Variants in DHX15 observed in about 807,000 individuals in gnomAD.
The protein encoded by DHX15 is DEAH-box helicase 15.
DHX15 carries 11 observed loss-of-function variants against 94.4 expected under a neutral mutation model. That is an observed-to-expected ratio of 0.12 (90% confidence interval 0.07 to 0.19). The LOEUF (loss-of-function observed/expected upper bound fraction) is 0.19, where lower values mean the gene tolerates loss of function less well. Among genes scored for constraint, DHX15 ranks in the 10% least tolerant of loss-of-function variants. DHX15 has a pLI of 1.00. For missense variants in DHX15, 304 were observed against 988.5 expected (o/e 0.31, Z 9.29); for synonymous variants, 338 against 329.9 (o/e 1.02, Z -0.27).
intron 5 of DHX15, 88 bp downstream of exon 5, chr4:24,554,635 AAT>A: frequency 1.0e-6 from 1 of 994,498 alleles, no homozygotes; most frequent in Non-Finnish European, 1.5e-6. Context: ...TGAAATAAAA[AAT>A]ATGATTAACA....
intron 13 of DHX15, 68 bp downstream of exon 13, chr4:24,529,533 A>T: frequency 7.3e-7 from 1 of 1,372,750 alleles, no homozygotes; most frequent in Non-Finnish European, 1.0e-6. Flanking sequence ...CCATGACTCT[A>T]GCAACAGTCA....
chr4:24,579,539 T>C (rs900118115), intron 1 of DHX15, among the ~76,000 whole-genome samples: 2 of 152,034 alleles, frequency 1.3e-5, no homozygotes, highest in Non-Finnish European at 2.9e-5. Flanking sequence ...GGGAGGGAGG[T>C]ATGACATGAC....
At chr4:24,561,139 C>T (rs1011925578) in intron 3 of DHX15, among the ~76,000 whole-genome samples, 2 of 152,114 alleles carry the variant, frequency 1.3e-5, no homozygotes, top group Admixed American at 6.6e-5. Context: ...TAAGAGGATA[C>T]GGAGGACAGC....
chr4:24,569,062 CAA>C (rs762140061), intron 3 of DHX15, among the ~76,000 whole-genome samples: 12 of 152,074 alleles, frequency 7.9e-5, no homozygotes, highest in Non-Finnish European at 1.6e-4. Flanking sequence ...AAAACTGACA[CAA>C]ATGTTGAATG....
In DHX15 at chr4:24,570,040, C is replaced by A. The variant is rs546562579; in HGVS notation, c.701+614G>T. On this transcript the variant is annotated intron_variant, in intron 3 of 13. Coordinates refer to ENST00000336812, the MANE Select transcript of DHX15 (RefSeq NM_001358.3). ...GAAAGAATCATCATCAGGTAGCATA[C>A]ATCATAACTTATGCAGAATGCAAGT... 9.2e-5 allele frequency among the ~76,000 whole-genome samples: 14 copies of A among 152,314 alleles called. No homozygotes were observed. In the South Asian group the frequency reaches 2.9e-3, roughly 32 times the overall value.
chr4:24,560,441 G>T (rs1721848619), intron 3 of DHX15, among the ~76,000 whole-genome samples: 1 of 95,248 alleles, frequency 1.0e-5, no homozygotes, highest in Non-Finnish European at 2.4e-5. Context: ...GGCAGGGTAT[G>T]ATGCAAAACC....
intron 3 of DHX15, among the ~76,000 whole-genome samples, chr4:24,564,088 C>T (rs1018994317): frequency 1.4e-5 from 2 of 138,714 alleles, no homozygotes; most frequent in Non-Finnish European, 3.1e-5. Context: ...AAAAAAAAAG[C>T]ATGAGGCAAA....
At chr4:24,567,331 C>G (rs1722013958) in intron 3 of DHX15, among the ~76,000 whole-genome samples, 2 of 152,160 alleles carry the variant, frequency 1.3e-5, no homozygotes, top group Non-Finnish European at 2.9e-5. Flanking sequence ...GTAATCCCAG[C>G]ACTTTGGGAG....
intron 10 of DHX15, among the ~76,000 whole-genome samples, chr4:24,539,515 C>A (rs763874081): frequency 1.3e-4 from 20 of 152,108 alleles, no homozygotes; most frequent in African/African-American, 4.8e-4. Flanking sequence ...ACAAAATTAG[C>A]GATTTTATAT....
rs944892881 is a variant in DHX15, at chr4:24,576,449, T to C, written c.301A>G (p.Thr101Ala). ...GTGTGACCTGCATGTCCGGCATGCG[T>C]TGAATGAGCAGAATGTGTTGAATGC... ...STHSTHSAHS[T>A]HAGHAGHTSL... The change falls in exon 2 of 14, where the codon ACG (threonine) becomes GCG (alanine). Residue 101 changes from threonine to alanine, a missense_variant. Thr to Ala is a moderately conservative substitution (Grantham distance 58). This residue lies in a region of DHX15 where 143 missense variants were observed against 200.5 expected (regional missense o/e 0.71). Transcript: ENST00000336812. 30 of 1,614,038 alleles carry C rather than the reference T, an allele frequency of 1.9e-5. No homozygotes were observed. Among genetic ancestry groups the C allele is most frequent in the Admixed American group, 3.3e-5 (2 of 60,000 alleles).
At chr4:24,538,012 TAC>T (rs1178904342) in intron 10 of DHX15, 4 of 152,220 alleles carry the variant, frequency 2.6e-5, no homozygotes, top group East Asian at 1.9e-4. Context: ...GATATGTAAC[TAC>T]AGTTATTTGT....
Position 24,569,448 on chromosome 4 carries a change from C to T in DHX15, c.701+1206G>A, listed in dbSNP as rs540806716. ...TCTACTAAAGATACAAAAAGTTAGC[C>T]AGGCATGGTGGCGCACACCTATAGT... On this transcript the variant is annotated intron_variant, in intron 3 of 13. Coordinates refer to ENST00000336812, the MANE Select transcript of DHX15 (RefSeq NM_001358.3). Among the ~76,000 whole-genome samples, 3 of 152,048 alleles carry T rather than the reference C, an allele frequency of 2.0e-5. No homozygotes were observed. The East Asian group carries it at 5.8e-4, about 29-fold the overall frequency.
Position 24,548,866 on chromosome 4 carries a change from T to C in DHX15, c.1237A>G (p.Ile413Val). ...PPPPKKQNGAIGRKVVVSTNI... is the reference protein window; with the variant it reads ...PPPPKKQNGAVGRKVVVSTNI... Reference sequence around the variant, plus strand: ...ATTTCTAATGTTACCTTTCTTCCAATTGCTCCATTCTGTTTTTTGGGAGGT... The same window carrying C: ...ATTTCTAATGTTACCTTTCTTCCAACTGCTCCATTCTGTTTTTTGGGAGGT... The change falls in exon 6 of 14, where the codon ATT becomes GTT. Residue 413 changes from isoleucine (I) to valine (V), a missense_variant. Transcript: ENST00000336812. The C allele has an allele frequency of 6.2e-7, 1 of 1,611,782 alleles. No homozygotes were observed. The highest frequency in any genetic ancestry group is 8.5e-7 in the Non-Finnish European group (1 of 1,179,166).
At chr4:24,541,792 T>C in intron 8 of DHX15, 81 bp downstream of exon 8, 1 of 1,362,568 alleles carries the variant, frequency 7.3e-7, no homozygotes, top group East Asian at 2.5e-5. Flanking sequence ...CAAGATTAAG[T>C]AAATAAGGCA....
At chr4:24,554,355 T>C (rs139973698) in intron 5 of DHX15, among the ~76,000 whole-genome samples, 16 of 152,334 alleles carry the variant, frequency 1.1e-4, no homozygotes, top group African/African-American at 2.4e-4. Context: ...TGATGATGAA[T>C]AGGCACCCAA....
chr4:24,577,194 T>C (rs1171014581), intron 1 of DHX15, among the ~76,000 whole-genome samples: 5 of 152,224 alleles, frequency 3.3e-5, no homozygotes, highest in African/African-American at 4.8e-5. Flanking sequence ...ACTTTTATAA[T>C]CCACTTCTAA....
At chr4:24,559,290 A>G (rs1721810515) in intron 3 of DHX15, among the ~76,000 whole-genome samples, 1 of 150,720 alleles carries the variant, frequency 6.6e-6, no homozygotes, top group East Asian at 2.0e-4. Flanking sequence ...TAGAGCCTCC[A>G]GTTGGAACTA....
intron 1 of DHX15, among the ~76,000 whole-genome samples, chr4:24,577,809 G>C (rs1027848785): frequency 6.6e-6 from 1 of 152,146 alleles, no homozygotes; most frequent in African/African-American, 2.4e-5. Context: ...ATCTATGCTT[G>C]TTCATTTTAC....
At chr4:24,579,569 C>T (rs957733593) in intron 1 of DHX15, among the ~76,000 whole-genome samples, 1 of 152,176 alleles carries the variant, frequency 6.6e-6, no homozygotes, top group Non-Finnish European at 1.5e-5. Context: ...GAACATACTG[C>T]TCTGTACTGT....
Sources: gnomAD v4.1 joint callset for allele counts (sites outside exome capture counted in the v4.1 genomes callset) on GRCh38, gnomAD v4.1.1 for gene constraint, gnomAD v4.1.1 regional missense constraint, MANE v1.5 for transcripts, NCBI Gene and HGNC (gene_info 2026-07-23, HGNC 2026-07-21) for gene names.